The following SUPV3L1 variants were observed in gnomAD, a reference collection of about 807,000 sequenced individuals.
SUPV3L1 encodes the protein ATP-dependent RNA helicase SUPV3L1, mitochondrial.
A neutral mutation model predicts 70.0 loss-of-function variants in SUPV3L1; 35 were observed. The ratio of observed to expected loss-of-function variants is 0.50; its 90% CI spans 0.38 to 0.66. The LOEUF (loss-of-function observed/expected upper bound fraction) is 0.66. Among genes scored for constraint, SUPV3L1 ranks in the 30% least tolerant of loss-of-function variants. The pLI, the probability that SUPV3L1 is intolerant of heterozygous loss-of-function variation, is 0.00. For synonymous variants in SUPV3L1, 364 were observed against 341.9 expected (o/e 1.06, Z -0.71); for missense variants, 777 against 961.5 (o/e 0.81, Z 2.54).
Position 69,209,044 on chromosome 10 carries a change from T to A in SUPV3L1, c.*9T>A. The A allele has an allele frequency of 1.3e-6, 2 of 1,512,764 alleles. No homozygotes were observed. Among genetic ancestry groups the A allele is most frequent in the Non-Finnish European group, 1.8e-6 (2 of 1,131,904 alleles). 93.7% of individuals were successfully genotyped at this position (1,512,764 alleles called of 1,614,324 possible). A position where few individuals can be genotyped will look rare whatever the true frequency, so the allele number is the denominator to read the frequency against. On this transcript the variant is annotated 3_prime_UTR_variant, in exon 15 of 15. Transcript: ENST00000359655. ...AACCTGATTCGGACTAGTTTTCTGT[T>A]CCTGTTTTTTTTTTTTTATTTAATT... is the stretch of plus-strand genomic sequence containing the variant.
At chr10:69,193,658 G>A (rs868313906) in intron 6 of SUPV3L1, among the ~76,000 whole-genome samples, 5 of 152,096 alleles carry the variant, frequency 3.3e-5, no homozygotes, top group Middle Eastern at 3.4e-3. Flanking sequence ...AGTCCGCCTC[G>A]CCTCGGCCTC....
At chr10:69,189,893 G>A (rs943482382) in intron 5 of SUPV3L1, among the ~76,000 whole-genome samples, 2 of 152,042 alleles carry the variant, frequency 1.3e-5, no homozygotes, top group East Asian at 3.9e-4. Context: ...TGATCTGCCC[G>A]TCTCGGCCTC....
intron 10 of SUPV3L1, 147 bp downstream of exon 10, chr10:69,199,344 T>A: frequency 1.5e-6 from 1 of 653,070 alleles, no homozygotes; most frequent in Non-Finnish European, 2.6e-6. Context: ...TTGTCTTGCC[T>A]ACACCTATTG....
chr10:69,191,665 G>A lies in SUPV3L1; in HGVS notation c.752G>A (p.Cys251Tyr). The A allele has an allele frequency of 3.1e-6, 5 of 1,614,006 alleles. No individual in the cohort carries two copies. Among genetic ancestry groups the A allele is most frequent in the Non-Finnish European group, 4.2e-6 (5 of 1,179,900 alleles). The change falls in exon 6 of 15, where the codon TGT (cysteine) becomes TAT (tyrosine). Residue 251 changes from cysteine to tyrosine, a missense_variant. This residue lies in a region of SUPV3L1 where 619 missense variants were observed against 823.3 expected (regional missense o/e 0.75). Coordinates refer to ENST00000359655, the MANE Select transcript of SUPV3L1 (RefSeq NM_003171.5). ...TTTCTGTCTTTCTAGGGTGTGCCATGTGACTTGGTGACAGGTGAAGAGCGT... is the reference window on the plus strand; with the variant it reads ...TTTCTGTCTTTCTAGGGTGTGCCATATGACTTGGTGACAGGTGAAGAGCGT... ...FEKSNAAGVPCDLVTGEERVT... is the reference protein window; with the variant it reads ...FEKSNAAGVPYDLVTGEERVT...
chr10:69,207,930 CT>C lies in SUPV3L1; in HGVS notation c.1916del (p.Leu639CysfsTer3). 6.2e-7 allele frequency: 1 copy of C among 1,613,838 alleles called. No homozygotes were observed. The highest frequency in any genetic ancestry group is 8.5e-7 in the Non-Finnish European group (1 of 1,179,916). ...CTGTCCACGATGTCTTGGATCTTTA[CT>C]TGTGGCTAAGGTACCAACATTTTTC... ...EAVHDVLDLY[L>X]WLSYRFMDMF... On this transcript the variant is annotated frameshift_variant, in exon 14 of 15. Coordinates refer to ENST00000359655, the MANE Select transcript of SUPV3L1 (RefSeq NM_003171.5). LOFTEE classifies it low-confidence loss of function (END_TRUNC).
At chr10:69,195,804 G>A (rs868782) in intron 7 of SUPV3L1, among the ~76,000 whole-genome samples, 9,705 of 152,056 alleles carry the variant, frequency 0.064, 650 homozygotes, top group African/African-American at 0.16. Flanking sequence ...GTGTGATGGC[G>A]CAGTTGTGGC....
At position 69,180,572 on chromosome 10, in the gene SUPV3L1, G is replaced by A. The variant is rs1396667075; in HGVS notation, c.271+10G>A. The stretch of plus-strand genomic sequence containing the variant: ...CGGCCTCTGGACAAGAGTGAGTGCG[G>A]GAACTACTGAGGGCGGCAGAGGGTG... On this transcript the variant is annotated intron_variant, in intron 1 of 14. Coordinates refer to ENST00000359655, the MANE Select transcript of SUPV3L1 (RefSeq NM_003171.5). The A allele has an allele frequency of 6.2e-7, 1 of 1,612,908 alleles. No individual in the cohort carries two copies. The highest frequency in any genetic ancestry group is 1.7e-5 in the Admixed American group (1 of 59,942).
intron 4 of SUPV3L1, 24 bp from the exon 5 acceptor site, chr10:69,189,243 G>A (rs770536605): frequency 6.2e-7 from 1 of 1,605,190 alleles, no homozygotes; most frequent in South Asian, 1.1e-5. Flanking sequence ...AATGGATTAA[G>A]CTGTTTACCT....
At chr10:69,191,475 C>T (rs914270239) in intron 5 of SUPV3L1, among the ~76,000 whole-genome samples, 180 bp from the exon 6 acceptor site, 1 of 152,104 alleles carries the variant, frequency 6.6e-6, no homozygotes, top group African/African-American at 2.4e-5. Flanking sequence ...GATCTGCCCA[C>T]CTCAGCCTCC....
chr10:69,187,884 A>G, intron 4 of SUPV3L1, 128 bp downstream of exon 4: 1 of 625,832 alleles, frequency 1.6e-6, no homozygotes, highest in Non-Finnish European at 2.7e-6. Context: ...GTTTTCCTAA[A>G]ATAAAAAGAG....
chr10:69,191,873 C>A, intron 6 of SUPV3L1, 107 bp downstream of exon 6: 1 of 736,012 alleles, frequency 1.4e-6, no homozygotes, highest in Admixed American at 2.7e-5. Context: ...ATGGTACTAT[C>A]TCGGCTCACT....
chr10:69,200,340 G>C lies in SUPV3L1; in HGVS notation c.1359G>C (p.Glu453Asp). 1.9e-6 allele frequency: 3 copies of C among 1,614,140 alleles called. No individual in the cohort carries two copies. Among genetic ancestry groups the C allele is most frequent in the East Asian group, 2.2e-5 (1 of 44,888 alleles). ...AGCCCAGTATCAATGAAAAGGGAGA[G>C]AGAGAACTAGAACCAATCACAACCT... ...LIKPSINEKG[E>D]RELEPITTSQ... The change falls in exon 11 of 15, where the codon GAG becomes GAC. Residue 453 changes from glutamate to aspartate, a missense_variant. Transcript: ENST00000359655.
intron 3 of SUPV3L1, 152 bp from the exon 4 acceptor site, chr10:69,187,490 T>A: frequency 1.9e-6 from 1 of 530,198 alleles, no homozygotes; most frequent in South Asian, 2.3e-5. Flanking sequence ...AGTGGTGGGA[T>A]TGTTGACGTG....
At chr10:69,195,510 C>T (rs1476450807) in intron 7 of SUPV3L1, 2 of 366,596 alleles carry the variant, frequency 5.5e-6, no homozygotes, top group Non-Finnish European at 9.7e-6. Flanking sequence ...CTCATATTTA[C>T]ACAACTACAA....
At chr10:69,207,645 T>C in intron 13 of SUPV3L1, 148 bp from the exon 14 acceptor site, 1 of 911,654 alleles carries the variant, frequency 1.1e-6, no homozygotes. Flanking sequence ...CTTTAAAATG[T>C]AGAAGAGTAT....
chr10:69,187,447 G>A, intron 3 of SUPV3L1, 195 bp from the exon 4 acceptor site: 1 of 374,038 alleles, frequency 2.7e-6, no homozygotes, highest in Non-Finnish European at 4.8e-6. Context: ...CAACCTCCTG[G>A]GCTCAAGCCA....
At chr10:69,188,065 T>A (rs980242759) in intron 4 of SUPV3L1, among the ~76,000 whole-genome samples, 1 of 152,112 alleles carries the variant, frequency 6.6e-6, no homozygotes, top group Non-Finnish European at 1.5e-5. Context: ...GTTAATGAGT[T>A]CTTTCCACCA....
At chr10:69,208,008 T>G in intron 14 of SUPV3L1, 67 bp downstream of exon 14, 7 of 1,562,864 alleles carry the variant, frequency 4.5e-6, no homozygotes, top group African/African-American at 1.4e-5. Flanking sequence ...TTTATGAATT[T>G]GTTTTTCTAT....
chr10:69,209,048 G>T lies in SUPV3L1; in HGVS notation c.*13G>T, dbSNP rs1554863090. On this transcript the variant is annotated 3_prime_UTR_variant, in exon 15 of 15. Transcript: ENST00000359655. ...TGATTCGGACTAGTTTTCTGTTCCT[G>T]TTTTTTTTTTTTTATTTAATTTTGC... 148 of 1,364,542 alleles carry T rather than the reference G, an allele frequency of 1.1e-4. No individual in the cohort carries two copies. The highest frequency in any genetic ancestry group is 6.3e-4 in the South Asian group (39 of 61,790). 84.5% of individuals were successfully genotyped at this position (1,364,542 alleles called of 1,614,324 possible).
Sources: allele counts gnomAD v4.1 joint callset (sites outside exome capture counted in the v4.1 genomes callset), GRCh38; gene constraint gnomAD v4.1.1; regional missense constraint gnomAD v4.1.1; transcripts MANE v1.5; gene names NCBI Gene and HGNC (gene_info 2026-07-23, HGNC 2026-07-21).